Variants in TAB3 observed in about 807,000 individuals in gnomAD.
TAB3 encodes the protein TGF-beta activated kinase 1 (MAP3K7) binding protein 3.
Under a neutral mutation model 48.1 loss-of-function variants are expected in TAB3, and 18 were observed. The ratio of observed to expected loss-of-function variants is 0.37; its 90% CI spans 0.26 to 0.55. The LOEUF (loss-of-function observed/expected upper bound fraction) is 0.55. Ranked by LOEUF, TAB3 falls within the 20% of genes least tolerant of loss-of-function variation. The pLI, the probability that TAB3 is intolerant of heterozygous loss-of-function variation, is 0.78. For missense variants in TAB3, 414 were observed against 549.8 expected (o/e 0.75, Z 2.47); for synonymous variants, 185 against 190.2 (o/e 0.97, Z 0.22).
At chrX:30,839,451 G>A (rs1002744783) in intron 9 of TAB3, among the ~76,000 whole-genome samples, 2 of 111,476 alleles carry the variant, frequency 1.8e-5, no homozygotes, top group African/African-American at 6.5e-5. Context: ...GAAGTTTATT[G>A]ATCTGAAATT....
chrX:30,854,315 G>A lies in TAB3; in HGVS notation c.1350C>T (p.Asn450=), dbSNP rs749292573. ...TPSPSPRVIP[N]PTTVFKITVG... ...CGGTAATTTTAAAAACTGTAGTTGG[G>A]TTTGGTATCACTCGAGGAGATGGTG... The change falls in exon 6 of 11, where the codon AAC becomes AAT. Residue 450 remains asparagine (N), a synonymous_variant. Coordinates refer to ENST00000288422, the MANE Select transcript of TAB3 (RefSeq NM_152787.5). 7.4e-6 allele frequency: 9 copies of A among 1,211,524 alleles called. No homozygotes were observed. In the East Asian group the frequency reaches 2.4e-4, roughly 32 times the overall value.
chrX:30,855,264 G>T lies in TAB3; in HGVS notation c.401C>A (p.Thr134Asn). 1 of 1,211,650 alleles carries T rather than the reference G, an allele frequency of 8.3e-7. No individual in the cohort carries two copies. The highest frequency in any genetic ancestry group is 1.1e-6 in the Non-Finnish European group (1 of 895,433). The change falls in exon 6 of 11, where the codon ACT (threonine) becomes AAT (asparagine). Residue 134 changes from threonine (T) to asparagine (N), a missense_variant. Coordinates refer to ENST00000288422, the MANE Select transcript of TAB3 (RefSeq NM_152787.5). ...PHSAPAVVAA[T>N]PNYNPFFMNE... ...CATAAAAAATGGATTGTAGTTGGGA[G>T]TAGCAGCAACAACAGCTGGAGCTGA...
chrX:30,846,506 A>C, intron 8 of TAB3, 45 bp downstream of exon 8: 1 of 984,359 alleles, frequency 1.0e-6, no homozygotes. Context: ...GCAGCTTAAA[A>C]TACCACACTA....
intron 1 of TAB3, among the ~76,000 whole-genome samples, chrX:30,885,620 G>A (rs763065102): frequency 1.4e-3 from 157 of 111,627 alleles, no homozygotes; most frequent in African/African-American, 4.6e-3. Context: ...GCAGCTGAAA[G>A]GAGTGAGGAA....
intron 4 of TAB3, among the ~76,000 whole-genome samples, chrX:30,861,406 C>T (rs1939248233): frequency 9.2e-6 from 1 of 108,747 alleles, no homozygotes; most frequent in South Asian, 4.1e-4. Flanking sequence ...GTGGAGTCAC[C>T]TATATAGGGC....
At chrX:30,880,223 C>T (rs1410055856) in intron 1 of TAB3, among the ~76,000 whole-genome samples, 1 of 111,293 alleles carries the variant, frequency 9.0e-6, no homozygotes, top group Non-Finnish European at 1.9e-5. Flanking sequence ...CCAAGAATAG[C>T]GAAGATGCTT....
At chrX:30,873,856 C>G (rs73454179) in intron 1 of TAB3, among the ~76,000 whole-genome samples, 10,988 of 110,994 alleles carry the variant, frequency 0.099, 1,214 homozygotes, top group African/African-American at 0.33. Flanking sequence ...TAGGCTATTA[C>G]TAGTTAAGTT....
chrX:30,853,362 A>C (rs1938931796), intron 6 of TAB3, among the ~76,000 whole-genome samples: 1 of 112,766 alleles, frequency 8.9e-6, no homozygotes, highest in Admixed American at 9.4e-5. Flanking sequence ...TAATCCAGTA[A>C]TTCCACTTTT....
intron 9 of TAB3, 109 bp from the exon 10 acceptor site, chrX:30,834,261 C>A: frequency 1.6e-6 from 1 of 632,395 alleles, no homozygotes; most frequent in South Asian, 2.8e-5. Flanking sequence ...GTGCATTTAC[C>A]CTACCTATTA....
chrX:30,883,986 T>G (rs942452408), intron 1 of TAB3, among the ~76,000 whole-genome samples: 2 of 111,613 alleles, frequency 1.8e-5, no homozygotes, highest in African/African-American at 6.5e-5. Context: ...AATCTAGTTT[T>G]GCTCAAACAT....
At position 30,834,052 on chromosome X, in the gene TAB3, A is replaced by G; in HGVS notation, c.1989T>C (p.Asp663=). Residue 663 remains aspartate (D), a splice_region_variant and synonymous_variant, in exon 10 of 11, where the codon GAT becomes GAC. Coordinates refer to ENST00000288422, the MANE Select transcript of TAB3 (RefSeq NM_152787.5). ...DIHDTQAAAA[D]EHRTGSTQSP... ...AACTCTGGACACACAAGTACAAACC[A>G]TCTGCAGCTGCTGCCTGGGTGTCAT... is the stretch of plus-strand genomic sequence containing the variant. The G allele has an allele frequency of 1.7e-6, 2 of 1,209,424 alleles. No individual in the cohort carries two copies. Among genetic ancestry groups the G allele is most frequent in the Admixed American group, 2.2e-5 (1 of 46,018 alleles).
Position 30,831,584 on chromosome X carries a change from G to C in TAB3, c.1991-9C>G. The stretch of plus-strand genomic sequence containing the variant: ...GGAGCCAGTTCGATGCTCTGAGGGA[G>C]GTTAGGATTAAGGGGGAGGGGGAAG... On this transcript the variant is annotated splice_polypyrimidine_tract_variant and intron_variant, in intron 10 of 10. Coordinates refer to ENST00000288422, the MANE Select transcript of TAB3 (RefSeq NM_152787.5). 1 of 1,208,122 alleles carries C rather than the reference G, an allele frequency of 8.3e-7. No individual in the cohort carries two copies. The highest frequency in any genetic ancestry group is 1.1e-6 in the Non-Finnish European group (1 of 893,663).
At chrX:30,858,464 G>T (rs187757041) in intron 5 of TAB3, among the ~76,000 whole-genome samples, 1 of 111,928 alleles carries the variant, frequency 8.9e-6, no homozygotes, top group South Asian at 3.7e-4. Flanking sequence ...CTCTAGACTA[G>T]TAAAGGGCTT....
chrX:30,868,383 T>TAAA (rs1276057336), intron 2 of TAB3, among the ~76,000 whole-genome samples: 1 of 25,647 alleles, frequency 3.9e-5, no homozygotes, highest in African/African-American at 2.3e-4. Context: ...TATATATATA[T>TAAA]AGCTTATATA....
At chrX:30,886,659 G>T (rs1940139292) in intron 1 of TAB3, among the ~76,000 whole-genome samples, 1 of 112,403 alleles carries the variant, frequency 8.9e-6, no homozygotes, top group Non-Finnish European at 1.9e-5. Context: ...AACTTTTCTA[G>T]AACTTTCAGC....
At chrX:30,864,804 T>TGTG (rs57124332) in intron 4 of TAB3, among the ~76,000 whole-genome samples, 194 of 88,550 alleles carry the variant, frequency 2.2e-3, no homozygotes, top group Non-Finnish European at 4.1e-3. Context: ...TGTGTGTGTG[T>TGTG]TTTTTTTTTA....
intron 1 of TAB3, among the ~76,000 whole-genome samples, chrX:30,874,556 TA>T (rs1287461591): frequency 5.4e-5 from 6 of 112,002 alleles, no homozygotes; most frequent in African/African-American, 2.0e-4. Flanking sequence ...TAAACAAGGG[TA>T]TTTGACATTC....
rs1216881171 is a variant in TAB3, at chrX:30,831,523, G to C, written c.2043C>G (p.Asp681Glu). 17 of 1,211,413 alleles carry C rather than the reference G, an allele frequency of 1.4e-5. No individual in the cohort carries two copies. Among genetic ancestry groups the C allele is most frequent in the Non-Finnish European group, 1.9e-5 (17 of 895,413 alleles). ...CACAATTCCATGGAGCCCCTTCGTAGTCTTCATCTCGAGGTTGTGTCCGAG... is the reference window on the plus strand; with the variant it reads ...CACAATTCCATGGAGCCCCTTCGTACTCTTCATCTCGAGGTTGTGTCCGAG... ...QSPRTQPRDE[D>E]YEGAPWNCDS... Residue 681 changes from aspartate to glutamate, a missense_variant, in exon 11 of 11, where the codon GAC (aspartate) becomes GAG (glutamate). Physicochemically the swap from Asp to Glu is conservative, Grantham distance 45 (BLOSUM62 2). Coordinates refer to ENST00000288422, the MANE Select transcript of TAB3 (RefSeq NM_152787.5).
rs1276197079 is a variant in TAB3, at chrX:30,889,181, G to C, written c.-450C>G. On this transcript the variant is annotated 5_prime_UTR_variant, in exon 1 of 11. Coordinates refer to ENST00000288422, the MANE Select transcript of TAB3 (RefSeq NM_152787.5). The stretch of plus-strand genomic sequence containing the variant: ...CCTCACGCCCGTCGCCTACTCCCGC[G>C]GGGGGTCCGGGCCGGCGCCGCTTCC... The C allele has an allele frequency of 8.9e-6, 1 of 112,438 alleles. No homozygotes were observed. Among genetic ancestry groups the C allele is most frequent in the African/African-American group, 3.3e-5 (1 of 30,601 alleles). 9.3% of individuals were successfully genotyped at this position (112,438 alleles called of 1,213,427 possible).
Sources: gnomAD v4.1 joint callset for allele counts (sites outside exome capture counted in the v4.1 genomes callset) on GRCh38, gnomAD v4.1.1 for gene constraint, MANE v1.5 for transcripts, NCBI Gene and HGNC (gene_info 2026-07-23, HGNC 2026-07-21) for gene names.